GAB2: variants seen among roughly 807,000 people sequenced by gnomAD.
GAB2 encodes GRB2-associated-binding protein 2.
Under a neutral mutation model 65.5 loss-of-function variants are expected in GAB2, and 26 were observed. That is an observed-to-expected ratio of 0.40 (90% CI 0.29 to 0.55). GAB2 has a LOEUF of 0.55. Ranked by LOEUF, GAB2 falls within the 20% of genes least tolerant of loss-of-function variation. The pLI is 0.53. For synonymous variants in GAB2, 321 were observed against 329.6 expected (o/e 0.97, Z 0.28); for missense variants, 884 against 875.8 (o/e 1.01, Z -0.12).
intron 1 of GAB2, among the ~76,000 whole-genome samples, chr11:78,341,167 C>T (rs905963694): frequency 1.3e-5 from 2 of 152,202 alleles, no homozygotes; most frequent in African/African-American, 2.4e-5. Flanking sequence ...TATGGTTTCA[C>T]ATCTCTCATC....
chr11:78,316,616 C>T (rs1855611970), intron 1 of GAB2, among the ~76,000 whole-genome samples: 1 of 152,100 alleles, frequency 6.6e-6, no homozygotes, highest in Non-Finnish European at 1.5e-5. Context: ...ATTAATATGG[C>T]TACTTTAAAA....
chr11:78,276,367 T>G (rs1430956496), intron 2 of GAB2, among the ~76,000 whole-genome samples: 1 of 152,078 alleles, frequency 6.6e-6, no homozygotes, highest in East Asian at 2.0e-4. Flanking sequence ...TGTCTTAGCC[T>G]CCCAAATAGC....
At chr11:78,332,794 GAGA>G (rs1178017770) in intron 1 of GAB2, among the ~76,000 whole-genome samples, 3 of 152,220 alleles carry the variant, frequency 2.0e-5, no homozygotes, top group Non-Finnish European at 4.4e-5. Flanking sequence ...TATTGACTTT[GAGA>G]AAGAACCTTT....
chr11:78,331,930 GA>G (rs1008261303), intron 1 of GAB2, among the ~76,000 whole-genome samples: 3 of 151,978 alleles, frequency 2.0e-5, no homozygotes, highest in African/African-American at 4.8e-5. Context: ...TTGGGAAGGG[GA>G]AAAAAAACAC....
At chr11:78,256,438 G>A (rs1483106397) in intron 2 of GAB2, among the ~76,000 whole-genome samples, 1 of 152,168 alleles carries the variant, frequency 6.6e-6, no homozygotes, top group Non-Finnish European at 1.5e-5. Context: ...ATATCTAGAA[G>A]AGGCAAATCT....
chr11:78,416,331 C>G (rs1254943741), intron 1 of GAB2, among the ~76,000 whole-genome samples: 5 of 152,202 alleles, frequency 3.3e-5, no homozygotes, highest in African/African-American at 1.2e-4. Flanking sequence ...CATTGACACA[C>G]ACTTGTACTC....
At chr11:78,393,118 C>A (rs1856854600) in intron 1 of GAB2, among the ~76,000 whole-genome samples, 1 of 152,270 alleles carries the variant, frequency 6.6e-6, no homozygotes, top group South Asian at 2.1e-4. Context: ...GTATCACAAA[C>A]CATGTGACAT....
At chr11:78,289,170 T>C (rs1866577288) in intron 1 of GAB2, among the ~76,000 whole-genome samples, 1 of 152,174 alleles carries the variant, frequency 6.6e-6, no homozygotes, top group African/African-American at 2.4e-5. Context: ...GGGGCCAAGG[T>C]AGGTGGATCA....
At chr11:78,276,018 G>T (rs1356373573) in intron 2 of GAB2, among the ~76,000 whole-genome samples, 1 of 151,358 alleles carries the variant, frequency 6.6e-6, no homozygotes, top group African/African-American at 2.4e-5. Flanking sequence ...GGAGGCTGGG[G>T]CAGGAGAATT....
chr11:78,405,676 A>T (rs1407162734), intron 1 of GAB2, among the ~76,000 whole-genome samples: 3 of 152,344 alleles, frequency 2.0e-5, no homozygotes, highest in African/African-American at 7.2e-5. Context: ...ATATAAAACA[A>T]GCTTAAGAAG....
chr11:78,301,218 A>C (rs1867008942), intron 1 of GAB2, among the ~76,000 whole-genome samples: 1 of 152,170 alleles, frequency 6.6e-6, no homozygotes, highest in African/African-American at 2.4e-5. Flanking sequence ...GGAGCAAGGG[A>C]GGACATTTTC....
At chr11:78,346,722 A>ATATATATATATATATATATTT (rs1565168352) in intron 1 of GAB2, among the ~76,000 whole-genome samples, 1 of 30,794 alleles carries the variant, frequency 3.2e-5, no homozygotes, top group African/African-American at 1.6e-4. Flanking sequence ...TATATATATA[A>ATATATATATATATATATATTT]TTTTTTTTTT....
At chr11:78,233,646 G>A (rs796693770) in intron 3 of GAB2, among the ~76,000 whole-genome samples, 23 of 152,120 alleles carry the variant, frequency 1.5e-4, no homozygotes, top group Admixed American at 5.9e-4. Flanking sequence ...TCACTCTGTC[G>A]CCCAAGCTAG....
rs1864482772 is a variant in GAB2, at chr11:78,222,547, A to C, written c.1568-352T>G. ...AATATATTTATATATTAATATATTA[A>C]TATTTATAAAAATATATACTATTTA... is the stretch of plus-strand genomic sequence containing the variant. On this transcript the variant is annotated intron_variant, in intron 6 of 9. Transcript: ENST00000361507. Among the ~76,000 whole-genome samples the C allele has an allele frequency of 4.0e-5, 6 of 148,206 alleles. No individual in the cohort carries two copies. The South Asian group carries it at 1.0e-3, about 26-fold the overall frequency.
intron 1 of GAB2, among the ~76,000 whole-genome samples, chr11:78,301,871 A>T (rs1011246108): frequency 5.9e-5 from 9 of 152,276 alleles, no homozygotes; most frequent in African/African-American, 2.2e-4. Context: ...ACAATAGAGA[A>T]CCCAAAAATA....
Position 78,287,629 on chromosome 11 carries a change from C to A in GAB2, c.76-6728G>T, listed in dbSNP as rs1005992097. On this transcript the variant is annotated intron_variant, in intron 1 of 9. Transcript: ENST00000361507. ...CTCTTTCCTAAGATCAGGAATAAGG[C>A]AAGGACATTTGCTCTTATCATTTTT... Among the ~76,000 whole-genome samples, 6 of 151,356 alleles carry A rather than the reference C, an allele frequency of 4.0e-5. No homozygotes were observed. In the East Asian group the frequency reaches 9.8e-4, roughly 25 times the overall value.
At chr11:78,270,076 C>T (rs1478685290) in intron 2 of GAB2, among the ~76,000 whole-genome samples, 1 of 152,158 alleles carries the variant, frequency 6.6e-6, no homozygotes, top group South Asian at 2.1e-4. Flanking sequence ...ACAGATAGCA[C>T]TGAGCACTTT....
intron 1 of GAB2, among the ~76,000 whole-genome samples, chr11:78,351,539 T>C (rs1856278063): frequency 6.6e-6 from 1 of 152,098 alleles, no homozygotes. Context: ...TTTGATTCAG[T>C]AGAGGGGTGG....
chr11:78,359,288 T>C (rs575230677), intron 1 of GAB2, among the ~76,000 whole-genome samples: 4 of 152,160 alleles, frequency 2.6e-5, no homozygotes, highest in African/African-American at 7.2e-5. Flanking sequence ...AAACCACATA[T>C]GGTAATGAAA....
Sources: gnomAD v4.1 joint callset for allele counts (sites outside exome capture counted in the v4.1 genomes callset) on GRCh38, gnomAD v4.1.1 for gene constraint, MANE v1.5 for transcripts, NCBI Gene and HGNC (gene_info 2026-07-23, HGNC 2026-07-21) for gene names.